DPRX: variants seen among roughly 807,000 people sequenced by gnomAD.
The protein encoded by DPRX is divergent-paired related homeobox, also known as divergent paired-related homeobox.
In DPRX, 11 loss-of-function variants were observed where a neutral mutation model predicts 8.4. The observed-to-expected ratio is 1.31, with a 90% confidence interval of 0.82 to 2.17. DPRX has a LOEUF of 2.17. Among genes scored for constraint, DPRX ranks in the 30% most tolerant of loss-of-function variants. DPRX has a pLI of 0.00. For missense variants in DPRX, 211 were observed against 236.7 expected, an observed-to-expected ratio of 0.89 and a Z score of 0.71; for synonymous variants, 72 against 87.0, an observed-to-expected ratio of 0.83 and a Z score of 0.96.
exon 3 of DPRX, chr19:53,636,659 CAAG>C (rs1400646691): frequency 1.2e-6 from 2 of 1,613,958 alleles, no homozygotes; most frequent in African/African-American, 1.3e-5. Flanking sequence ...TCATCAAAAA[CAAG>C]AAACTCCACA....
intron 1 of DPRX, among the ~76,000 whole-genome samples, chr19:53,633,497 G>A (rs886809873): frequency 4.6e-5 from 7 of 151,722 alleles, no homozygotes; most frequent in Non-Finnish European, 7.4e-5. Flanking sequence ...CCTTATTTAC[G>A]TATTTATTTA....
chr19:53,605,234 A>T, the DPRX span, among the ~76,000 whole-genome samples: 1 of 152,008 alleles, frequency 6.6e-6, no homozygotes, highest in Non-Finnish European at 1.5e-5. Context: ...CAAAAGTCAG[A>T]TTATGTACAT....
chr19:53,601,921 C>T, the DPRX span: 5 of 418,914 alleles, frequency 1.2e-5, no homozygotes, highest in African/African-American at 4.1e-5. Flanking sequence ...CCCCTGGTCC[C>T]GTAGAGTATT....
chr19:53,620,223 C>T, the DPRX span, among the ~76,000 whole-genome samples: 1 of 152,064 alleles, frequency 6.6e-6, no homozygotes, highest in South Asian at 2.1e-4. Context: ...GCACCTGCCA[C>T]CTTGCCCGGC....
upstream of DPRX, among the ~76,000 whole-genome samples, chr19:53,630,212 CA>C (rs35045422): frequency 1.3e-3 from 144 of 111,732 alleles, no homozygotes; most frequent in East Asian, 3.1e-3. Flanking sequence ...GACTCCATCT[CA>C]AAAAAAAAAA....
the DPRX span, chr19:53,606,414 G>GGA: frequency 1.3e-5 from 2 of 152,498 alleles, no homozygotes; most frequent in African/African-American, 4.8e-5. This position sits in a 1 kb window ranked among gnomAD's most constrained non-coding sequence, Gnocchi z 4.8. Context: ...CAGCAGACAG[G>GGA]GAGAGAGCAT....
chr19:53,607,755 G>A, the DPRX span, among the ~76,000 whole-genome samples: 1 of 151,360 alleles, frequency 6.6e-6, no homozygotes, highest in South Asian at 2.1e-4. Flanking sequence ...GGTGGCTGAA[G>A]CAGGAGAATC....
chr19:53,623,643 AAAAC>A, the DPRX span, among the ~76,000 whole-genome samples: 1 of 147,248 alleles, frequency 6.8e-6, no homozygotes, highest in Non-Finnish European at 1.5e-5. Flanking sequence ...CATCTCAAAA[AAAAC>A]AAAAAGCCAT....
intron 2 of DPRX, 67 bp from the exon 3 acceptor site, chr19:53,636,529 A>T (rs1486627493): frequency 5.6e-5 from 72 of 1,287,786 alleles, no homozygotes; most frequent in East Asian, 4.4e-4. Context: ...AAAAGTAAAA[A>T]TTTTTTAAAA....
chr19:53,636,588 C>A lies in DPRX; in HGVS notation c.184-8C>A. The A allele has an allele frequency of 6.3e-7, 1 of 1,577,322 alleles. No individual in the cohort carries two copies. On this transcript the variant is annotated splice_polypyrimidine_tract_variant and splice_region_variant and intron_variant, in intron 2 of 2. Transcript: ENST00000376650. ...TCCACCCCATTCTCTTCTCTCTCTTCCCTTCAGGTCTGGTTCAAGAATCAC... is the reference window on the plus strand; with the variant it reads ...TCCACCCCATTCTCTTCTCTCTCTTACCTTCAGGTCTGGTTCAAGAATCAC...
At chr19:53,613,072 C>T in the DPRX span, among the ~76,000 whole-genome samples, 4 of 152,250 alleles carry the variant, frequency 2.6e-5, no homozygotes, top group East Asian at 5.8e-4. Flanking sequence ...ATTCTGGTGT[C>T]TATGGCTCAC....
At chr19:53,608,235 TAA>T in the DPRX span, 5,799 of 146,638 alleles carry the variant, frequency 0.04, 264 homozygotes, top group East Asian at 0.14. Context: ...AATTAAAAAA[TAA>T]AAAAAAATAA....
chr19:53,630,908 G>A (rs973163710), upstream of DPRX, among the ~76,000 whole-genome samples: 1 of 151,606 alleles, frequency 6.6e-6, no homozygotes, highest in African/African-American at 2.4e-5. Context: ...GTGCAGTGGT[G>A]CGATCTCAGC....
chr19:53,623,405 G>A, the DPRX span, among the ~76,000 whole-genome samples: 7 of 151,950 alleles, frequency 4.6e-5, no homozygotes, highest in East Asian at 1.9e-4. Flanking sequence ...TTGGGAGGCC[G>A]AGGAGGGCGG....
At chr19:53,614,309 G>T in the DPRX span, among the ~76,000 whole-genome samples, 1 of 152,132 alleles carries the variant, frequency 6.6e-6, no homozygotes, top group Admixed American at 6.6e-5. Flanking sequence ...CAGCTACTTG[G>T]AGGCTGAGAA....
At chr19:53,606,011 AGCC>A in the DPRX span, 2 of 151,936 alleles carry the variant, frequency 1.3e-5, no homozygotes, top group South Asian at 4.1e-4. The surrounding 1 kb of genome is among the most constrained non-coding windows in gnomAD (Gnocchi z 4.8). Flanking sequence ...CTTTTGTAAT[AGCC>A]AACTTTTTAA....
chr19:53,626,384 AC>A, the DPRX span, among the ~76,000 whole-genome samples: 6 of 151,850 alleles, frequency 4.0e-5, no homozygotes, highest in Non-Finnish European at 8.8e-5. Flanking sequence ...CCACCGTGAG[AC>A]CCCCATCTCT....
At chr19:53,605,638 A>T in the DPRX span, among the ~76,000 whole-genome samples, 1 of 151,124 alleles carries the variant, frequency 6.6e-6, no homozygotes, top group African/African-American at 2.4e-5. Context: ...CCCATTTTCT[A>T]TATTGTATTG....
At chr19:53,605,506 CA>C in the DPRX span, among the ~76,000 whole-genome samples, 2 of 151,580 alleles carry the variant, frequency 1.3e-5, no homozygotes, top group Admixed American at 1.3e-4. Flanking sequence ...TTTGCAGAGA[CA>C]AAAAAATGAT....
Sources: gnomAD v4.1 joint callset for allele counts (sites outside exome capture counted in the v4.1 genomes callset) on GRCh38, gnomAD v4.1.1 for gene constraint, Gnocchi (gnomAD v3.1) non-coding constraint, MANE v1.5 for transcripts, NCBI Gene and HGNC (gene_info 2026-07-23, HGNC 2026-07-21) for gene names.